PLXDC2: variants seen among roughly 807,000 people sequenced by gnomAD.
PLXDC2 encodes the protein plexin domain containing 2.
PLXDC2 carries 40 observed loss-of-function variants against 68.9 expected under a neutral mutation model. The ratio of observed to expected loss-of-function variants is 0.58; its 90% CI spans 0.45 to 0.76. The LOEUF is 0.76. Among genes scored for constraint, PLXDC2 ranks in the 30% least tolerant of loss-of-function variants. The pLI, the probability that PLXDC2 is intolerant of heterozygous loss-of-function variation, is 0.00. For missense variants in PLXDC2, 644 were observed against 661.9 expected (o/e 0.97, Z 0.30); for synonymous variants, 243 against 234.2 (o/e 1.04, Z -0.34).
chr10:19,830,131 C>T (rs1199581917), intron 1 of PLXDC2, among the ~76,000 whole-genome samples: 2 of 152,110 alleles, frequency 1.3e-5, no homozygotes, highest in South Asian at 2.1e-4. Flanking sequence ...AGAGATAGAG[C>T]CATGAAATTT....
intron 1 of PLXDC2, among the ~76,000 whole-genome samples, chr10:19,867,123 T>C (rs375412120): frequency 6.2e-5 from 9 of 146,078 alleles, no homozygotes; most frequent in African/African-American, 2.3e-4. Flanking sequence ...TGGAGTGCAA[T>C]GTTGCGATCT....
At chr10:19,949,117 C>G (rs1215913340) in intron 1 of PLXDC2, among the ~76,000 whole-genome samples, 1 of 55,214 alleles carries the variant, frequency 1.8e-5, no homozygotes. Context: ...CAGAGCGAGA[C>G]TTTGTCAAAA....
At chr10:19,901,054 AATTT>A (rs1400522739) in intron 1 of PLXDC2, among the ~76,000 whole-genome samples, 6 of 151,022 alleles carry the variant, frequency 4.0e-5, no homozygotes, top group Admixed American at 2.7e-4. Context: ...TATATAAAAC[AATTT>A]ATTTATATAC....
intron 1 of PLXDC2, among the ~76,000 whole-genome samples, chr10:19,866,495 A>G (rs939838433): frequency 1.3e-5 from 2 of 152,330 alleles, no homozygotes; most frequent in Non-Finnish European, 1.5e-5. Context: ...CTAGGCCCAC[A>G]TGGATAATTG....
intron 1 of PLXDC2, among the ~76,000 whole-genome samples, chr10:19,926,272 A>G (rs1833536037): frequency 6.6e-6 from 1 of 152,208 alleles, no homozygotes; most frequent in Non-Finnish European, 1.5e-5. Context: ...ATGCTTGGCC[A>G]ATGATCCAGG....
chr10:19,927,713 C>CAAAAAAAAG (rs1833561848), intron 1 of PLXDC2, among the ~76,000 whole-genome samples: 2 of 53,142 alleles, frequency 3.8e-5, no homozygotes, highest in Non-Finnish European at 6.2e-5. Context: ...GGAAAAAAAG[C>CAAAAAAAAG]AAAAAAAAAA....
At position 20,021,847 on chromosome 10, in the gene PLXDC2, C is replaced by A. The variant is rs180709371; in HGVS notation, c.324+19861C>A. 3.3e-5 allele frequency among the ~76,000 whole-genome samples: 5 copies of A among 152,012 alleles called. No individual in the cohort carries two copies. The East Asian group carries it at 9.7e-4, about 30-fold the overall frequency. On this transcript the variant is annotated intron_variant, in intron 2 of 13. Coordinates refer to ENST00000377252, the MANE Select transcript of PLXDC2 (RefSeq NM_032812.9). ...CCAAGTAGCTGGGATTACAGGCATG[C>A]GCCACCAGGCCCAGCTAATTTTTGT...
chr10:19,854,220 C>T (rs1394830393), intron 1 of PLXDC2, among the ~76,000 whole-genome samples: 10 of 152,128 alleles, frequency 6.6e-5, no homozygotes, highest in East Asian at 1.9e-4. Flanking sequence ...CTGAGCAGAT[C>T]GGGACATCAT....
At chr10:20,127,601 C>A (rs1390848053) in intron 4 of PLXDC2, among the ~76,000 whole-genome samples, 1 of 152,180 alleles carries the variant, frequency 6.6e-6, no homozygotes, top group African/African-American at 2.4e-5. Context: ...TATCCAAAGG[C>A]AGCCCCCTCT....
At chr10:20,234,799 A>G (rs1182988131) in intron 12 of PLXDC2, among the ~76,000 whole-genome samples, 2 of 151,832 alleles carry the variant, frequency 1.3e-5, no homozygotes, top group African/African-American at 2.4e-5. Flanking sequence ...TAGCAAAAAG[A>G]TTGTATGGTT....
intron 5 of PLXDC2, among the ~76,000 whole-genome samples, chr10:20,146,608 G>T (rs1345929455): frequency 7.1e-6 from 1 of 141,258 alleles, no homozygotes; most frequent in Non-Finnish European, 1.5e-5. Context: ...TTCACTCACA[G>T]CAGTGATAAT....
At chr10:20,083,606 A>G (rs1220679976) in intron 4 of PLXDC2, among the ~76,000 whole-genome samples, 2 of 152,178 alleles carry the variant, frequency 1.3e-5, no homozygotes, top group African/African-American at 4.8e-5. Flanking sequence ...ATTTAATAGC[A>G]TCTTGTAATA....
chr10:20,086,808 G>A (rs997976734), intron 4 of PLXDC2, among the ~76,000 whole-genome samples: 4 of 152,118 alleles, frequency 2.6e-5, no homozygotes, highest in South Asian at 4.1e-4. Context: ...CCTGTAGCAC[G>A]CCTAAGCAGT....
chr10:19,955,818 G>A (rs771828864), intron 1 of PLXDC2, among the ~76,000 whole-genome samples: 5 of 152,066 alleles, frequency 3.3e-5, no homozygotes, highest in Non-Finnish European at 4.4e-5. Context: ...GGTGGCTCAC[G>A]CCTGTAATTT....
chr10:19,829,396 G>T (rs1836641612), intron 1 of PLXDC2, among the ~76,000 whole-genome samples: 1 of 152,002 alleles, frequency 6.6e-6, no homozygotes, highest in Non-Finnish European at 1.5e-5. Flanking sequence ...GTTTGTTCAG[G>T]TTTATCACTC....
chr10:19,938,710 G>A (rs544687146), intron 1 of PLXDC2, among the ~76,000 whole-genome samples: 8 of 152,310 alleles, frequency 5.3e-5, no homozygotes, highest in South Asian at 2.1e-4. Flanking sequence ...AGATCAAGTT[G>A]TGGATAGTCT....
At chr10:19,941,741 G>A (rs937829119) in intron 1 of PLXDC2, among the ~76,000 whole-genome samples, 2 of 152,132 alleles carry the variant, frequency 1.3e-5, no homozygotes, top group African/African-American at 2.4e-5. Context: ...AATGAACATG[G>A]CCATAGGTTT....
At chr10:19,986,301 A>G (rs1295691878) in intron 1 of PLXDC2, among the ~76,000 whole-genome samples, 1 of 152,186 alleles carries the variant, frequency 6.6e-6, no homozygotes, top group Non-Finnish European at 1.5e-5. Context: ...CTCAGAACAG[A>G]CCTGAATCCA....
chr10:19,859,932 A>G (rs1272454525), intron 1 of PLXDC2, among the ~76,000 whole-genome samples: 1 of 152,084 alleles, frequency 6.6e-6, no homozygotes, highest in Non-Finnish European at 1.5e-5. Context: ...AGGTTTCACC[A>G]TGTTGTGCAG....
Sources: gnomAD v4.1 joint callset for allele counts (sites outside exome capture counted in the v4.1 genomes callset) on GRCh38, gnomAD v4.1.1 for gene constraint, MANE v1.5 for transcripts, NCBI Gene and HGNC (gene_info 2026-07-23, HGNC 2026-07-21) for gene names.